The following PATJ variants were observed in gnomAD, a reference collection of about 807,000 sequenced individuals.
PATJ encodes inaD-like protein.
PATJ carries 190 observed loss-of-function variants against 224.9 expected under a neutral mutation model. The observed-to-expected ratio is 0.84, with a 90% CI of 0.75 to 0.95. The LOEUF (loss-of-function observed/expected upper bound fraction) is 0.95, where lower values mean the gene tolerates loss of function less well. Among genes scored for constraint, PATJ ranks in the 40% least tolerant of loss-of-function variants. PATJ has a pLI of 0.00. For missense variants in PATJ, 2,121 were observed against 2,270.3 expected, an observed-to-expected ratio of 0.93 and a Z score of 1.34; for synonymous variants, 769 against 820.3, an observed-to-expected ratio of 0.94 and a Z score of 1.07.
chr1:61,997,982 T>TTATATATATA (rs1553236113), intron 28 of PATJ, among the ~76,000 whole-genome samples: 8 of 118,338 alleles, frequency 6.8e-5, no homozygotes, highest in South Asian at 4.9e-4. Context: ...TGTGCCCAGC[T>TTATATATATA]TATATATGTA....
intron 26 of PATJ, among the ~76,000 whole-genome samples, chr1:61,921,688 G>A (rs917378763): frequency 2.6e-5 from 4 of 152,266 alleles, no homozygotes; most frequent in South Asian, 4.2e-4. Flanking sequence ...AAATAAAAAT[G>A]TGTAGATACT....
chr1:62,040,197 C>T (rs1237434741), intron 30 of PATJ, among the ~76,000 whole-genome samples: 2 of 149,942 alleles, frequency 1.3e-5, no homozygotes, highest in East Asian at 2.0e-4. Context: ...CAACCTCAGC[C>T]TCTCGGGTTC....
At chr1:62,039,152 C>A in intron 30 of PATJ, 1 of 603,282 alleles carries the variant, frequency 1.7e-6, no homozygotes, top group East Asian at 3.1e-5. Context: ...ATAGGAACTC[C>A]ATCCTACCTT....
chr1:62,140,629 G>A (rs1286511469), intron 41 of PATJ, among the ~76,000 whole-genome samples: 1 of 151,924 alleles, frequency 6.6e-6, no homozygotes, highest in Admixed American at 6.6e-5. Context: ...CTCCAGCCTG[G>A]GCAACAGAGC....
chr1:61,802,629 A>G (rs943463547), intron 12 of PATJ, among the ~76,000 whole-genome samples: 1 of 152,168 alleles, frequency 6.6e-6, no homozygotes, highest in East Asian at 1.9e-4. Flanking sequence ...TTATACACAT[A>G]TAGCATATGT....
intron 18 of PATJ, among the ~76,000 whole-genome samples, chr1:61,858,489 T>C (rs182121154): frequency 1.7e-3 from 266 of 152,312 alleles, no homozygotes; most frequent in Middle Eastern, 3.4e-3. Context: ...CTTGAACTCC[T>C]GAGCTCAAAC....
At position 61,833,660 on chromosome 1, in the gene PATJ, C is replaced by A; in HGVS notation, c.1987C>A (p.His663Asn). 1 of 1,608,170 alleles carries A rather than the reference C, an allele frequency of 6.2e-7. No homozygotes were observed. Among genetic ancestry groups the A allele is most frequent in the Non-Finnish European group, 8.5e-7 (1 of 1,177,694 alleles). The change falls in exon 17 of 44, where the codon CAC (histidine) becomes AAC (asparagine). Residue 663 changes from histidine (H) to asparagine (N), a missense_variant. His to Asn is a moderately conservative substitution (Grantham distance 68, BLOSUM62 1). Transcript: ENST00000642238. ...ATCTTCTTTGGTATTTCAGGTTGAC[C>A]ACAATATGGATGTCAATACTGAAGA... ...ETSLPETEVD[H>N]NMDVNTEEDD...
chr1:62,104,659 T>G (rs1662664026), intron 33 of PATJ, among the ~76,000 whole-genome samples: 1 of 152,140 alleles, frequency 6.6e-6, no homozygotes, highest in Admixed American at 6.6e-5. Flanking sequence ...GTATCTTCAC[T>G]GATAACTTTA....
At chr1:61,889,283 C>T (rs925275216) in intron 22 of PATJ, among the ~76,000 whole-genome samples, 1 of 152,158 alleles carries the variant, frequency 6.6e-6, no homozygotes, top group African/African-American at 2.4e-5. Context: ...TGCACTTTTG[C>T]ACTAACTTCT....
rs1324506778 is a variant in PATJ at position 62,163,646 on chromosome 1, C to T, written c.*2592C>T. The T allele has an allele frequency of 1.3e-5, 2 of 152,484 alleles. No individual in the cohort carries two copies. The allele number at this position is 152,484 out of a possible 1,614,324, so 9.4% of individuals were successfully genotyped here. On this transcript the variant is annotated 3_prime_UTR_variant, in exon 44 of 44. Transcript: ENST00000642238. ...TACTTGTCATAATCGGTTCTGTCTCCGCTCACATGACTAATACGTAATTGC... is the reference window on the plus strand; with the variant it reads ...TACTTGTCATAATCGGTTCTGTCTCTGCTCACATGACTAATACGTAATTGC...
At chr1:61,984,161 A>ATTTT (rs760341540) in intron 27 of PATJ, among the ~76,000 whole-genome samples, 54 of 129,680 alleles carry the variant, frequency 4.2e-4, no homozygotes, top group Middle Eastern at 4.8e-3. Flanking sequence ...TATTATTATT[A>ATTTT]TTATTTTTTT....
chr1:61,835,485 T>G (rs1460322795), intron 17 of PATJ, among the ~76,000 whole-genome samples: 6 of 152,190 alleles, frequency 3.9e-5, no homozygotes, highest in African/African-American at 1.4e-4. Flanking sequence ...CTCACTGCAA[T>G]CTCTGCCTCC....
At chr1:61,827,299 C>T in intron 15 of PATJ, 123 bp from the exon 16 acceptor site, 1 of 744,990 alleles carries the variant, frequency 1.3e-6, no homozygotes, top group African/African-American at 1.8e-5. Flanking sequence ...AAGCGAGGCC[C>T]CTTGTTTACA....
intron 24 of PATJ, among the ~76,000 whole-genome samples, chr1:61,905,626 C>A (rs2149186833): frequency 6.6e-6 from 1 of 152,302 alleles, no homozygotes; most frequent in Admixed American, 6.5e-5. Context: ...GGTGCAATTA[C>A]TGGGTTTTAT....
At chr1:62,066,495 T>G (rs1656457324) in intron 31 of PATJ, among the ~76,000 whole-genome samples, 1 of 152,008 alleles carries the variant, frequency 6.6e-6, no homozygotes, top group South Asian at 2.1e-4. Flanking sequence ...GCAGTCTTCC[T>G]GCCACAGCTT....
At chr1:62,017,098 C>T (rs1403416975) in intron 28 of PATJ, among the ~76,000 whole-genome samples, 1 of 152,182 alleles carries the variant, frequency 6.6e-6, no homozygotes, top group African/African-American at 2.4e-5. Flanking sequence ...GTTTGAATCT[C>T]TACTACAAAG....
At chr1:61,814,458 C>A (rs574252544) in intron 14 of PATJ, among the ~76,000 whole-genome samples, 1 of 150,664 alleles carries the variant, frequency 6.6e-6, no homozygotes, top group Non-Finnish European at 1.5e-5. Flanking sequence ...ATTCTCTTTA[C>A]GTATTTAGTT....
At chr1:62,156,054 T>TGA (rs1459849008) in intron 43 of PATJ, among the ~76,000 whole-genome samples, 1 of 43,056 alleles carries the variant, frequency 2.3e-5, no homozygotes, top group African/African-American at 9.6e-5. Flanking sequence ...CAAGACTCTG[T>TGA]AAAAAAAAAA....
intron 43 of PATJ, among the ~76,000 whole-genome samples, chr1:62,158,554 T>C (rs1048636419): frequency 1.3e-5 from 2 of 148,428 alleles, no homozygotes; most frequent in Admixed American, 7.1e-5. Context: ...ACTCCGTCTC[T>C]ACTAAAAATA....
Sources: gnomAD v4.1 joint callset for allele counts (sites outside exome capture counted in the v4.1 genomes callset) on GRCh38, gnomAD v4.1.1 for gene constraint, MANE v1.5 for transcripts, NCBI Gene and HGNC (gene_info 2026-07-23, HGNC 2026-07-21) for gene names.